UGT1A4: variants seen among roughly 807,000 people sequenced by gnomAD.
UGT1A4 encodes the protein UDP glucuronosyltransferase family 1 member A4.
In UGT1A4, 32 loss-of-function variants were observed where a neutral mutation model predicts 41.1. That is an observed-to-expected ratio of 0.78 (90% CI 0.59 to 1.05). The LOEUF (loss-of-function observed/expected upper bound fraction) is 1.05, where lower values mean the gene tolerates loss of function less well. Ranked by LOEUF, UGT1A4 falls within the 50% of genes least tolerant of loss-of-function variation. The probability of loss-of-function intolerance (pLI) is 0.00; values close to 1 mark genes in which losing one functional copy is unlikely to be tolerated. For missense variants in UGT1A4, 748 were observed against 677.4 expected (o/e 1.10, Z -1.16); for synonymous variants, 283 against 265.1 (o/e 1.07, Z -0.66).
intron 1 of UGT1A4, among the ~76,000 whole-genome samples, chr2:233,763,987 G>C (rs144684818): frequency 6.6e-6 from 1 of 152,188 alleles, no homozygotes; most frequent in Non-Finnish European, 1.5e-5. Flanking sequence ...CTGGGAATGC[G>C]TGATGGTGAA....
At chr2:233,751,144 C>T (rs1237165481) in intron 1 of UGT1A4, among the ~76,000 whole-genome samples, 2 of 151,954 alleles carry the variant, frequency 1.3e-5, no homozygotes, top group Non-Finnish European at 2.9e-5. Context: ...CTGTGGGAGC[C>T]CACTTCTGGC....
chr2:233,728,405 T>C (rs1373851187), intron 1 of UGT1A4, among the ~76,000 whole-genome samples: 2 of 152,184 alleles, frequency 1.3e-5, no homozygotes, highest in Non-Finnish European at 2.9e-5. Context: ...CCATGTGTGC[T>C]TTAGATAGCA....
chr2:233,763,199 G>A (rs1698259470), intron 1 of UGT1A4, among the ~76,000 whole-genome samples: 1 of 152,320 alleles, frequency 6.6e-6, no homozygotes, highest in African/African-American at 2.4e-5. Context: ...CTTGTTTGGT[G>A]CAGTCAGGCT....
chr2:233,734,461 C>T (rs1187494686), intron 1 of UGT1A4, among the ~76,000 whole-genome samples: 1 of 145,226 alleles, frequency 6.9e-6, no homozygotes, highest in African/African-American at 2.7e-5. Flanking sequence ...TTTCAAAATC[C>T]ATCTCCTGGA....
intron 1 of UGT1A4, among the ~76,000 whole-genome samples, chr2:233,723,417 T>C (rs2077082381): frequency 7.4e-6 from 1 of 134,694 alleles, no homozygotes; most frequent in African/African-American, 3.0e-5. Flanking sequence ...ACCATACTGG[T>C]CAGGCTGGTC....
chr2:233,762,062 A>G (rs1056836551), intron 1 of UGT1A4, among the ~76,000 whole-genome samples: 8 of 152,148 alleles, frequency 5.3e-5, no homozygotes, highest in Non-Finnish European at 8.8e-5. Flanking sequence ...TTCATAGCAC[A>G]TCAAATATGG....
chr2:233,723,019 G>C (rs1235467270), intron 1 of UGT1A4, among the ~76,000 whole-genome samples: 2 of 145,208 alleles, frequency 1.4e-5, no homozygotes, highest in Non-Finnish European at 3.0e-5. Flanking sequence ...ATGAGAAGGT[G>C]GAAGGGCCAG....
At chr2:233,722,627 C>T (rs571426683) in intron 1 of UGT1A4, among the ~76,000 whole-genome samples, 9 of 152,238 alleles carry the variant, frequency 5.9e-5, no homozygotes, top group African/African-American at 2.2e-4. Flanking sequence ...CTTAATGAAG[C>T]ATTGAGGGCT....
At chr2:233,725,179 G>GAGAGGCAGAGGCAGAGGCAGAGGC (rs879478240) in intron 1 of UGT1A4, among the ~76,000 whole-genome samples, 3 of 67,606 alleles carry the variant, frequency 4.4e-5, no homozygotes, top group Non-Finnish European at 8.4e-5. Context: ...AGACCGTGGG[G>GAGAGGCAGAGGCAGAGGCAGAGGC]AGAGGCAGAG....
At chr2:233,724,425 G>A in intron 1 of UGT1A4, among the ~76,000 whole-genome samples, 1 of 126,932 alleles carries the variant, frequency 7.9e-6, no homozygotes, top group East Asian at 2.6e-4. Flanking sequence ...CGGGCGGAGA[G>A]GCTCCTCACT....
intron 1 of UGT1A4, among the ~76,000 whole-genome samples, chr2:233,737,465 G>A (rs1434915889): frequency 6.6e-6 from 1 of 152,178 alleles, no homozygotes; most frequent in African/African-American, 2.4e-5. Context: ...AGTCTGTCAT[G>A]GCTCCCCTTG....
At chr2:233,747,351 G>A (rs1693640886) in intron 1 of UGT1A4, 1 of 1,603,176 alleles carries the variant, frequency 6.2e-7, no homozygotes, top group Non-Finnish European at 8.5e-7. Context: ...CATGCGGGAG[G>A]CCGTGCGGGA....
intron 1 of UGT1A4, among the ~76,000 whole-genome samples, chr2:233,740,328 TGAGA>T (rs1691367095): frequency 6.6e-6 from 1 of 151,900 alleles, no homozygotes; most frequent in Non-Finnish European, 1.5e-5. Flanking sequence ...CTGCATTTAT[TGAGA>T]AAGTTGATGA....
Position 233,718,774 on chromosome 2 carries a change from A to G in UGT1A4, c.-47A>G. 1.2e-6 allele frequency: 2 copies of G among 1,612,926 alleles called. No individual in the cohort carries two copies. Among genetic ancestry groups the G allele is most frequent in the Non-Finnish European group, 1.7e-6 (2 of 1,179,998 alleles). ...TTAAGGCGAAGGAAACAAATGTAGC[A>G]GGCACAGCGTGGGGTGGACAGTCAG... is the stretch of plus-strand genomic sequence containing the variant. On this transcript the variant is annotated 5_prime_UTR_variant, in exon 1 of 5. Coordinates refer to ENST00000373409, the MANE Select transcript of UGT1A4 (RefSeq NM_007120.3).
At chr2:233,740,938 A>C (rs1691513941) in intron 1 of UGT1A4, 1 of 151,466 alleles carries the variant, frequency 6.6e-6, no homozygotes, top group Admixed American at 6.6e-5. Context: ...TTTTTTTTTT[A>C]ATTAGCTAGG....
At chr2:233,728,474 GATC>G (rs1486985053) in intron 1 of UGT1A4, among the ~76,000 whole-genome samples, 1 of 152,138 alleles carries the variant, frequency 6.6e-6, no homozygotes, top group Non-Finnish European at 1.5e-5. Flanking sequence ...CCAAGAATCT[GATC>G]ATCACATCTT....
At chr2:233,730,016 A>C in intron 1 of UGT1A4, 1 of 1,613,836 alleles carries the variant, frequency 6.2e-7, no homozygotes. Context: ...GCCTTCATCC[A>C]ATCAATGTTC....
At position 233,719,202 on chromosome 2, in the gene UGT1A4, T is replaced by G. The variant is rs764611570; in HGVS notation, c.382T>G (p.Cys128Gly). The change falls in exon 1 of 5, where the codon TGT becomes GGT. Residue 128 changes from cysteine (C) to glycine (G), a missense_variant. Cys to Gly is a radical substitution (Grantham distance 159, BLOSUM62 -3). Coordinates refer to ENST00000373409, the MANE Select transcript of UGT1A4 (RefSeq NM_007120.3). ...NNVSLALHRC[C>G]VELLHNEALI... Reference sequence around the variant, plus strand: ...TGTATCTTTGGCCCTTCATAGGTGTTGTGTGGAGCTACTGCATAATGAGGC... The same window carrying G: ...TGTATCTTTGGCCCTTCATAGGTGTGGTGTGGAGCTACTGCATAATGAGGC... 1 of 1,614,218 alleles carries G rather than the reference T, an allele frequency of 6.2e-7. No homozygotes were observed. Among genetic ancestry groups the G allele is most frequent in the South Asian group, 1.1e-5 (1 of 91,086 alleles).
intron 1 of UGT1A4, among the ~76,000 whole-genome samples, chr2:233,763,609 C>T (rs1698356254): frequency 6.6e-6 from 1 of 152,206 alleles, no homozygotes; most frequent in Non-Finnish European, 1.5e-5. Context: ...TGCCACTCTG[C>T]ACTACCATTC....
Sources: allele counts gnomAD v4.1 joint callset (sites outside exome capture counted in the v4.1 genomes callset), GRCh38; gene constraint gnomAD v4.1.1; transcripts MANE v1.5; gene names NCBI Gene and HGNC (gene_info 2026-07-23, HGNC 2026-07-21).